ATXN2: variants seen among roughly 807,000 people sequenced by gnomAD.
ATXN2 encodes the protein ataxin-2.
A neutral mutation model predicts 138.6 loss-of-function variants in ATXN2; 37 were observed. The ratio of observed to expected loss-of-function variants is 0.27; its 90% CI spans 0.21 to 0.35. ATXN2 has a LOEUF of 0.35. Ranked by LOEUF, ATXN2 falls within the 10% of genes least tolerant of loss-of-function variation. The probability of loss-of-function intolerance (pLI) is 1.00; values close to 1 mark genes in which losing one functional copy is unlikely to be tolerated. For synonymous variants in ATXN2, 549 were observed against 543.7 expected, an observed-to-expected ratio of 1.01 and a Z score of -0.13; for missense variants, 1,216 against 1,480.3, an observed-to-expected ratio of 0.82 and a Z score of 2.93.
chr12:111,488,526 T>C lies in ATXN2; in HGVS notation c.2190A>G (p.Pro730=). The change falls in exon 15 of 25, where the codon CCA becomes CCG. Residue 730 remains proline, a synonymous_variant. Coordinates refer to ENST00000673436, the MANE Select transcript of ATXN2 (RefSeq NM_001372574.1). ...TATCGTCTTTCTCTTGTTTACATGC[T>C]GGGCTGGAAGTCTGAACCCCTTGGG... ...VTSQGVQTSS[P]ACKQEKDDKE... is the part of the protein sequence containing the mutation. 1.2e-6 allele frequency: 2 copies of C among 1,614,160 alleles called. No homozygotes were observed. Among genetic ancestry groups the C allele is most frequent in the East Asian group, 4.5e-5 (2 of 44,878 alleles).
chr12:111,460,104 C>T (rs542028103), intron 21 of ATXN2, among the ~76,000 whole-genome samples: 31 of 152,152 alleles, frequency 2.0e-4, no homozygotes, highest in East Asian at 5.8e-4. Context: ...TGTTTTGAGA[C>T]GGAGTCTCGC....
chr12:111,592,168 T>G (rs753584807), intron 1 of ATXN2, among the ~76,000 whole-genome samples: 64 of 151,120 alleles, frequency 4.2e-4, no homozygotes, highest in Non-Finnish European at 4.7e-4. Flanking sequence ...GGCAAGCGAA[T>G]CACCTGAGGT....
chr12:111,522,478 C>T (rs1193195691), intron 6 of ATXN2, among the ~76,000 whole-genome samples: 3 of 151,746 alleles, frequency 2.0e-5, no homozygotes, highest in African/African-American at 4.8e-5. Context: ...GGTGTGGTGG[C>T]GGGAGCCTGT....
intron 1 of ATXN2, among the ~76,000 whole-genome samples, chr12:111,584,414 C>T (rs1232601431): frequency 2.3e-5 from 2 of 87,794 alleles, no homozygotes; most frequent in African/African-American, 6.8e-5. Flanking sequence ...AAAAAAAATT[C>T]ATTGAACTGT....
chr12:111,467,088 A>G (rs1876077404), intron 20 of ATXN2, among the ~76,000 whole-genome samples: 1 of 152,136 alleles, frequency 6.6e-6, no homozygotes, highest in East Asian at 1.9e-4. Flanking sequence ...GAACATGCTT[A>G]AGCAGATTAA....
At chr12:111,593,040 G>A (rs956827164) in intron 1 of ATXN2, among the ~76,000 whole-genome samples, 5 of 151,846 alleles carry the variant, frequency 3.3e-5, no homozygotes, top group African/African-American at 7.3e-5. Flanking sequence ...GTTCTAACAC[G>A]GCTGTAGCTA....
At chr12:111,575,513 T>C (rs1883589333) in intron 1 of ATXN2, among the ~76,000 whole-genome samples, 2 of 151,992 alleles carry the variant, frequency 1.3e-5, no homozygotes, top group East Asian at 1.9e-4. Flanking sequence ...CTAAAAGAAC[T>C]CCTTTCAAGA....
At chr12:111,484,492 G>A (rs758867630) in intron 18 of ATXN2, among the ~76,000 whole-genome samples, 40 of 152,054 alleles carry the variant, frequency 2.6e-4, no homozygotes, top group Non-Finnish European at 3.8e-4. Flanking sequence ...AAGTGCAGTG[G>A]CACGATCTTG....
chr12:111,502,574 C>A (rs994109595), intron 14 of ATXN2, among the ~76,000 whole-genome samples: 5 of 152,076 alleles, frequency 3.3e-5, no homozygotes, highest in African/African-American at 1.2e-4. Context: ...GGATTACAGG[C>A]ACCTGCCACC....
chr12:111,461,926 G>GAA (rs11356478), intron 21 of ATXN2, among the ~76,000 whole-genome samples: 1 of 97,368 alleles, frequency 1.0e-5, no homozygotes, highest in Admixed American at 1.0e-4. Flanking sequence ...CATCTCAAAA[G>GAA]AAAAAAAAAA....
chr12:111,584,611 T>G (rs1884219928), intron 1 of ATXN2, among the ~76,000 whole-genome samples: 1 of 151,932 alleles, frequency 6.6e-6, no homozygotes, highest in African/African-American at 2.4e-5. Flanking sequence ...GTGGGCAGAT[T>G]ACGAGGTCAA....
At chr12:111,492,978 T>C (rs1878142384) in intron 14 of ATXN2, among the ~76,000 whole-genome samples, 1 of 151,968 alleles carries the variant, frequency 6.6e-6, no homozygotes, top group African/African-American at 2.4e-5. Flanking sequence ...AAAAAGAGAC[T>C]GCAATAATTA....
At chr12:111,570,304 G>A (rs1184883585) in intron 1 of ATXN2, among the ~76,000 whole-genome samples, 1 of 152,178 alleles carries the variant, frequency 6.6e-6, no homozygotes, top group African/African-American at 2.4e-5. Context: ...ATCAGTGGAG[G>A]AGAGGGGAGT....
intron 19 of ATXN2, 65 bp downstream of exon 19, chr12:111,470,493 C>T: frequency 6.4e-7 from 1 of 1,559,576 alleles, no homozygotes; most frequent in Non-Finnish European, 8.8e-7. Flanking sequence ...AGGAAAATCC[C>T]TTTACCATAT....
In ATXN2 at chr12:111,552,328, A is replaced by C; in HGVS notation, c.523T>G (p.Phe175Val). Reference protein sequence around the residue: ...MESILFKCSDFVVVQFKDMDS... With the variant: ...MESILFKCSDVVVVQFKDMDS... ...ATATCTTTAAACTGTACCACAACAA[A>C]GTCTGAACATTTGAACAAAATACTC... The change falls in exon 5 of 25, where the codon TTT becomes GTT. Residue 175 changes from phenylalanine to valine, a missense_variant. By Grantham distance (50) the Phe-to-Val change is conservative (BLOSUM62 -1). Around this residue, in one of 4 missense-constraint regions of ATXN2, gnomAD observed 401 missense variants for 528.1 expected, o/e 0.76. Transcript: ENST00000673436. This position sits in a 1 kb window ranked among gnomAD's most constrained non-coding sequence, Gnocchi z 4.1. The C allele has an allele frequency of 6.2e-7, 1 of 1,613,484 alleles. No individual in the cohort carries two copies. The highest frequency in any genetic ancestry group is 1.1e-5 in the South Asian group (1 of 90,986).
intron 7 of ATXN2, 125 bp downstream of exon 7, chr12:111,520,757 T>C: frequency 1.7e-6 from 1 of 586,736 alleles, no homozygotes; most frequent in Non-Finnish European, 2.8e-6. Flanking sequence ...CAGTTGGTAA[T>C]AAGAGAAAAA....
Position 111,516,078 on chromosome 12 carries a change from A to T in ATXN2, c.1375+76T>A. 1 of 1,338,520 alleles carries T rather than the reference A, an allele frequency of 7.5e-7. No individual in the cohort carries two copies. The highest frequency in any genetic ancestry group is 1.0e-6 in the Non-Finnish European group (1 of 979,516). 82.9% of individuals were successfully genotyped at this position (1,338,520 alleles called of 1,614,324 possible). A position where few individuals can be genotyped will look rare whatever the true frequency, so the allele number is the denominator to read the frequency against. On this transcript the variant is annotated intron_variant, in intron 10 of 24. Transcript: ENST00000673436. The surrounding 1 kb of genome is among the most constrained non-coding windows in gnomAD (Gnocchi z 5.0). ...TAGGTTATTAAATAATGAAGAGGAA[A>T]CTATTTTGTAATTATAAACTCACAT...
chr12:111,503,759 T>G (rs1878937522), intron 14 of ATXN2, among the ~76,000 whole-genome samples: 1 of 151,932 alleles, frequency 6.6e-6, no homozygotes, highest in Non-Finnish European at 1.5e-5. Context: ...CCGGCTAATT[T>G]ATATATTTTT....
intron 18 of ATXN2, among the ~76,000 whole-genome samples, chr12:111,477,330 G>A (rs914278580): frequency 6.6e-6 from 1 of 152,002 alleles, no homozygotes; most frequent in African/African-American, 2.4e-5. Flanking sequence ...TCCAGCCTGG[G>A]TAACAAGATC....
Sources: gnomAD v4.1 joint callset for allele counts (sites outside exome capture counted in the v4.1 genomes callset) on GRCh38, gnomAD v4.1.1 for gene constraint, gnomAD v4.1.1 regional missense constraint, Gnocchi (gnomAD v3.1) non-coding constraint, MANE v1.5 for transcripts, NCBI Gene and HGNC (gene_info 2026-07-23, HGNC 2026-07-21) for gene names.